RASA3: variants seen among roughly 807,000 people sequenced by gnomAD.
The protein encoded by RASA3 is RAS p21 protein activator 3.
A neutral mutation model predicts 110.0 loss-of-function variants in RASA3; 73 were observed. The ratio of observed to expected loss-of-function variants is 0.66; its 90% confidence interval spans 0.55 to 0.81. The LOEUF (loss-of-function observed/expected upper bound fraction) is 0.81, where lower values mean the gene tolerates loss of function less well. Among genes scored for constraint, RASA3 ranks in the 30% least tolerant of loss-of-function variants. RASA3 has a pLI of 0.00. For synonymous variants in RASA3, 500 were observed against 451.4 expected (o/e 1.11, Z -1.37); for missense variants, 976 against 1,113.2 (o/e 0.88, Z 1.75).
At chr13:114,109,083 G>A (rs997754382) in intron 1 of RASA3, among the ~76,000 whole-genome samples, 1 of 152,202 alleles carries the variant, frequency 6.6e-6, no homozygotes, top group Non-Finnish European at 1.5e-5. Flanking sequence ...CAGAGGGAGT[G>A]TTTCTCCCCA....
intron 4 of RASA3, among the ~76,000 whole-genome samples, chr13:114,032,500 CG>C (rs2054187773): frequency 1.3e-5 from 2 of 152,134 alleles, no homozygotes; most frequent in African/African-American, 4.8e-5. Context: ...TGTGAACCCT[CG>C]GGGTGCCTGG....
intron 8 of RASA3, among the ~76,000 whole-genome samples, chr13:114,022,790 C>G (rs2053953543): frequency 6.6e-6 from 1 of 152,184 alleles, no homozygotes; most frequent in Non-Finnish European, 1.5e-5. Flanking sequence ...AATTTAATAA[C>G]TAGGACTTCA....
chr13:114,094,350 T>C (rs993244231), intron 1 of RASA3, among the ~76,000 whole-genome samples: 14 of 152,220 alleles, frequency 9.2e-5, no homozygotes, highest in Non-Finnish European at 1.8e-4. Flanking sequence ...AGCAGCACTA[T>C]TCACAATAGT....
intron 3 of RASA3, among the ~76,000 whole-genome samples, 185 bp from the exon 4 acceptor site, chr13:114,041,279 G>A (rs560978684): frequency 3.3e-5 from 5 of 152,366 alleles, no homozygotes; most frequent in South Asian, 2.1e-4. Flanking sequence ...GGGGAGGGTC[G>A]CTTGAGACCA....
chr13:114,059,236 G>A (rs1032403519), intron 2 of RASA3, among the ~76,000 whole-genome samples: 5 of 150,550 alleles, frequency 3.3e-5, no homozygotes, highest in African/African-American at 7.3e-5. Context: ...TGGAGGAGCC[G>A]CCGTCAGGCC....
chr13:113,981,217 A>G (rs34767138), intron 23 of RASA3, among the ~76,000 whole-genome samples: 45,638 of 152,134 alleles, frequency 0.3, 7,566 homozygotes, highest in Non-Finnish European at 0.37. Context: ...CTGGTGACTA[A>G]GCTGAACGTA....
chr13:114,071,572 A>G (rs998222842), intron 2 of RASA3, among the ~76,000 whole-genome samples: 1 of 152,234 alleles, frequency 6.6e-6, no homozygotes, highest in Non-Finnish European at 1.5e-5. Context: ...CTTCAGAAGA[A>G]TGGCTGTGCC....
intron 18 of RASA3, among the ~76,000 whole-genome samples, chr13:114,002,724 G>A (rs1412572510): frequency 6.6e-6 from 1 of 152,188 alleles, no homozygotes; most frequent in Non-Finnish European, 1.5e-5. Flanking sequence ...TGAGTGGAGA[G>A]AAGCCAGTGG....
chr13:114,027,331 T>G, intron 7 of RASA3, 58 bp downstream of exon 7: 1 of 1,368,994 alleles, frequency 7.3e-7, no homozygotes, highest in Non-Finnish European at 1.0e-6. Flanking sequence ...CCAGACTTTC[T>G]GCCAACGTGT....
intron 17 of RASA3, among the ~76,000 whole-genome samples, chr13:114,008,605 G>C (rs1386348357): frequency 1.1e-3 from 34 of 31,712 alleles, no homozygotes; most frequent in Non-Finnish European, 1.3e-3. Context: ...CTGCGGTCTG[G>C]ACGTTCCCCA....
At position 114,000,809 on chromosome 13, in the gene RASA3, G is replaced by A. The variant is rs1396659992; in HGVS notation, c.1849+17C>T. 5.7e-6 allele frequency: 9 copies of A among 1,565,974 alleles called. No homozygotes were observed. The highest frequency in any genetic ancestry group is 7.9e-6 in the Non-Finnish European group (9 of 1,136,434). ...CACGCTCCAGCAAGAGCCAGGGAAAGCGACCTTGCTCCTTACCTTTGCTTT... is the reference window on the plus strand; with the variant it reads ...CACGCTCCAGCAAGAGCCAGGGAAAACGACCTTGCTCCTTACCTTTGCTTT... On this transcript the variant is annotated intron_variant, in intron 19 of 23. Coordinates refer to ENST00000334062, the MANE Select transcript of RASA3 (RefSeq NM_007368.4).
chr13:113,982,618 C>G (rs1293169699), intron 22 of RASA3, among the ~76,000 whole-genome samples: 1 of 152,282 alleles, frequency 6.6e-6, no homozygotes, highest in Non-Finnish European at 1.5e-5. Context: ...CCTGGGCACG[C>G]ACTCCCGGAG....
At chr13:113,991,739 T>C (rs1486154167) in intron 22 of RASA3, among the ~76,000 whole-genome samples, 18 of 152,252 alleles carry the variant, frequency 1.2e-4, no homozygotes, top group Middle Eastern at 3.2e-3. Context: ...ATCTGTGACA[T>C]TGAATTGCTT....
intron 4 of RASA3, among the ~76,000 whole-genome samples, chr13:114,031,018 TGC>T (rs2054156286): frequency 6.6e-6 from 1 of 152,078 alleles, no homozygotes; most frequent in African/African-American, 2.4e-5. Flanking sequence ...TCTGCCTGTG[TGC>T]GTGCAACTGT....
intron 2 of RASA3, among the ~76,000 whole-genome samples, chr13:114,061,063 T>C (rs1411330122): frequency 6.6e-6 from 1 of 151,804 alleles, no homozygotes; most frequent in Non-Finnish European, 1.5e-5. Flanking sequence ...CACAGAGACA[T>C]TTCTTCTTCC....
rs1383962288 is a variant in RASA3 at position 114,013,904 on chromosome 13, TTC to T, written c.1406-658_1406-657del. 1.9e-4 allele frequency among the ~76,000 whole-genome samples: 9 copies of T among 47,738 alleles called. 1 individual carries two copies. Among genetic ancestry groups the T allele is most frequent in the East Asian group, 6.8e-4 (1 of 1,462 alleles). 31.3% of individuals were successfully genotyped at this position (47,738 alleles called of 152,430 possible). On this transcript the variant is annotated intron_variant, in intron 14 of 23. Coordinates refer to ENST00000334062, the MANE Select transcript of RASA3 (RefSeq NM_007368.4). ...TCTCTGTCTCTCTCTTTTTCTCTCTTTCTCTGTCTCTCTCTCTCCGTCTCTCT... is the reference window on the plus strand; with the variant it reads ...TCTCTGTCTCTCTCTTTTTCTCTCTTTCTGTCTCTCTCTCTCCGTCTCTCT...
At chr13:114,079,899 G>A (rs901751230) in intron 1 of RASA3, among the ~76,000 whole-genome samples, 1 of 149,434 alleles carries the variant, frequency 6.7e-6, no homozygotes, top group Non-Finnish European at 1.5e-5. Context: ...GCGGTGCAGA[G>A]GCCATAAGAG....
intron 7 of RASA3, among the ~76,000 whole-genome samples, chr13:114,024,725 C>T (rs1302338295): frequency 2.6e-5 from 4 of 152,214 alleles, no homozygotes; most frequent in South Asian, 2.1e-4. Flanking sequence ...GCCGTGGAGA[C>T]GAAGCCAGCG....
At chr13:114,051,987 A>G (rs941959328) in intron 3 of RASA3, 65 bp downstream of exon 3, 3 of 1,316,688 alleles carry the variant, frequency 2.3e-6, no homozygotes, top group African/African-American at 1.5e-5. Context: ...CTGGACTGAA[A>G]TGCTAATACT....
Sources: gnomAD v4.1 joint callset for allele counts (sites outside exome capture counted in the v4.1 genomes callset) on GRCh38, gnomAD v4.1.1 for gene constraint, MANE v1.5 for transcripts, NCBI Gene and HGNC (gene_info 2026-07-23, HGNC 2026-07-21) for gene names.